OLFM1: variants seen among roughly 807,000 people sequenced by gnomAD.
OLFM1 encodes the protein olfactomedin 1.
A neutral mutation model predicts 49.7 loss-of-function variants in OLFM1; 9 were observed. The observed-to-expected ratio is 0.18, with a 90% CI of 0.11 to 0.32. The LOEUF is 0.32. OLFM1 is among the 10% of genes least tolerant of loss of function. The pLI is 1.00. For synonymous variants in OLFM1, 240 were observed against 271.8 expected (o/e 0.88, Z 1.15); for missense variants, 369 against 661.8 (o/e 0.56, Z 4.85).
chr9:135,109,865 G>A (rs899432482), intron 5 of OLFM1, among the ~76,000 whole-genome samples: 1 of 152,220 alleles, frequency 6.6e-6, no homozygotes. Flanking sequence ...CAGAATCTCT[G>A]TGTTCGTGTG....
chr9:135,107,415 C>T lies in OLFM1; in HGVS notation c.783+560C>T, dbSNP rs750617996. Among the ~76,000 whole-genome samples the T allele has an allele frequency of 2.0e-5, 3 of 152,190 alleles. No individual in the cohort carries two copies. The South Asian group carries it at 6.2e-4, about 31-fold the overall frequency. On this transcript the variant is annotated intron_variant, in intron 5 of 5. Coordinates refer to ENST00000371793, the MANE Select transcript of OLFM1 (RefSeq NM_001282611.2). ...GAAACCTCAGAAGAGGAGAGAGAAA[C>T]AGGCATCATATTTGCCTTTATCTGG...
rs773836280 is a variant in OLFM1 at position 135,098,421 on chromosome 9, G to A, written c.592G>A (p.Glu198Lys). Reference protein sequence around the residue: ...LTSVLNELQEEIGAYDYDELQ... With the variant: ...LTSVLNELQEKIGAYDYDELQ... Reference sequence around the variant, plus strand: ...GTCAGTGCTTAACGAGCTGCAAGAGGAAATTGGCGCCTATGACTACGATGA... The same window carrying A: ...GTCAGTGCTTAACGAGCTGCAAGAGAAAATTGGCGCCTATGACTACGATGA... The change falls in exon 4 of 6, where the codon GAA becomes AAA. Residue 198 changes from glutamate (E) to lysine (K), a missense_variant. Physicochemically the swap from Glu to Lys is moderately conservative, Grantham distance 56 (BLOSUM62 1). Coordinates refer to ENST00000371793, the MANE Select transcript of OLFM1 (RefSeq NM_001282611.2). The surrounding 1 kb of genome is among the most constrained non-coding windows in gnomAD (Gnocchi z 5.6). The A allele has an allele frequency of 2.5e-6, 4 of 1,613,812 alleles. No homozygotes were observed. Among genetic ancestry groups the A allele is most frequent in the Admixed American group, 3.3e-5 (2 of 60,008 alleles).
chr9:135,087,641 C>A, upstream of OLFM1: 1 of 568,882 alleles, frequency 1.8e-6, no homozygotes, highest in Non-Finnish European at 2.6e-6. Context: ...CCGGCCGCGG[C>A]CCCCGCGCGC....
chr9:135,087,963 C>T lies in OLFM1; in HGVS notation c.-27C>T, dbSNP rs1440549671. On this transcript the variant is annotated 5_prime_UTR_variant, in exon 1 of 6. Transcript: ENST00000371793. ...CGCGGGAGCCGGTGCCAGCTCGGAG[C>T]GGGCGCTGGAGGCAGCTCGAGGCGC... 3 of 1,411,108 alleles carry T rather than the reference C, an allele frequency of 2.1e-6. No individual in the cohort carries two copies. The highest frequency in any genetic ancestry group is 1.5e-5 in the South Asian group (1 of 68,282). The allele number at this position is 1,411,108 out of a possible 1,614,324, so 87.4% of individuals were successfully genotyped here.
chr9:135,110,740 A>G (rs1223446203), intron 5 of OLFM1, among the ~76,000 whole-genome samples: 1 of 152,126 alleles, frequency 6.6e-6, no homozygotes, highest in African/African-American at 2.4e-5. Context: ...CTCCGGCAGA[A>G]ACTGCCAGCA....
At chr9:135,119,058 A>ATCTTTGGAAGTGCTCACGGGG (rs1831145674) in intron 5 of OLFM1, among the ~76,000 whole-genome samples, 4 of 82,090 alleles carry the variant, frequency 4.9e-5, no homozygotes, top group Non-Finnish European at 6.0e-5. Flanking sequence ...TGCTCACTGG[A>ATCTTTGGAAGTGCTCACGGGG]TCTTTGGAAG....
intron 5 of OLFM1, among the ~76,000 whole-genome samples, chr9:135,114,337 G>C (rs1186208469): frequency 1.3e-5 from 2 of 151,652 alleles, no homozygotes; most frequent in Admixed American, 1.3e-4. Context: ...GCCAGGTCTC[G>C]AACTCCTGAC....
chr9:135,111,421 C>G (rs777111781), intron 5 of OLFM1, among the ~76,000 whole-genome samples: 2 of 152,114 alleles, frequency 1.3e-5, no homozygotes, highest in African/African-American at 2.4e-5. Flanking sequence ...AGCGCATGGC[C>G]CATTGAACTG....
At chr9:135,096,487 G>A (rs1830800321) in intron 3 of OLFM1, among the ~76,000 whole-genome samples, 1 of 152,238 alleles carries the variant, frequency 6.6e-6, no homozygotes, top group Non-Finnish European at 1.5e-5. Context: ...TTGGCAGTAG[G>A]GAGGCCACCA....
chr9:135,089,597 T>C (rs1261614681), intron 1 of OLFM1, among the ~76,000 whole-genome samples: 1 of 152,206 alleles, frequency 6.6e-6, no homozygotes, highest in African/African-American at 2.4e-5. Context: ...ACCTAGTGTT[T>C]TCTCGGGTCG....
chr9:135,086,150 G>C (rs571279469), upstream of OLFM1, among the ~76,000 whole-genome samples: 4 of 150,890 alleles, frequency 2.7e-5, no homozygotes, highest in Non-Finnish European at 5.9e-5. Context: ...GCCAGAGGAG[G>C]GGGGCGAAGC....
chr9:135,099,669 T>C lies in OLFM1; in HGVS notation c.676+1164T>C, dbSNP rs557037550. Among the ~76,000 whole-genome samples, 5 of 152,354 alleles carry C rather than the reference T, an allele frequency of 3.3e-5. No homozygotes were observed. The East Asian group carries it at 9.6e-4, about 29-fold the overall frequency. ...CCGAAACAGAGACAATAAGAAATGC[T>C]TGGAGTCAGAGAACTAATCCATTTT... On this transcript the variant is annotated intron_variant, in intron 4 of 5. Transcript: ENST00000371793.
intron 1 of OLFM1, chr9:135,076,039 C>G: frequency 6.9e-7 from 1 of 1,450,542 alleles, no homozygotes; most frequent in Middle Eastern, 1.9e-4. Context: ...GAGCTGACAG[C>G]TGCCCCCTTT....
At chr9:135,104,761 C>T (rs1380591434) in intron 4 of OLFM1, among the ~76,000 whole-genome samples, 3 of 152,266 alleles carry the variant, frequency 2.0e-5, no homozygotes, top group African/African-American at 7.2e-5. Flanking sequence ...AAGCCCAGGG[C>T]CCCCCAGCAG....
chr9:135,084,506 C>T (rs1031919391), upstream of OLFM1, among the ~76,000 whole-genome samples: 27 of 149,104 alleles, frequency 1.8e-4, no homozygotes, highest in African/African-American at 6.7e-4. The surrounding 1 kb of genome is among the most constrained non-coding windows in gnomAD (Gnocchi z 4.6). Context: ...TCTTCTCTCT[C>T]CTCTCTCTCT....
chr9:135,075,577 G>C (rs1830451744), exon 1 of OLFM1: 2 of 373,030 alleles, frequency 5.4e-6, no homozygotes, highest in African/African-American at 2.2e-5. Context: ...CGCGCCGCCC[G>C]CTCCGGGTGC....
intron 3 of OLFM1, 22 bp downstream of exon 3, chr9:135,096,041 T>TCCCTCC (rs1830785700): frequency 6.4e-7 from 1 of 1,573,804 alleles, no homozygotes; most frequent in Non-Finnish European, 8.6e-7. Flanking sequence ...CCTCCCCCTC[T>TCCCTCC]CCCTCCCCTT....
intron 1 of OLFM1, chr9:135,077,177 CA>C: frequency 3.9e-6 from 6 of 1,543,600 alleles, no homozygotes; most frequent in Non-Finnish European, 5.2e-6. Context: ...CATGCACACA[CA>C]GGGGAGCAGA....
At chr9:135,083,320 T>C (rs1006835414), upstream of OLFM1, among the ~76,000 whole-genome samples, 2 of 152,144 alleles carry the variant, frequency 1.3e-5, no homozygotes, top group African/African-American at 4.8e-5. Context: ...GGCCTGGCTG[T>C]GGCCAGGCTG....
Sources: allele counts gnomAD v4.1 joint callset (sites outside exome capture counted in the v4.1 genomes callset), GRCh38; gene constraint gnomAD v4.1.1; non-coding constraint Gnocchi (gnomAD v3.1); transcripts MANE v1.5; gene names NCBI Gene and HGNC (gene_info 2026-07-23, HGNC 2026-07-21).